Variants in CSDE1 observed in about 807,000 individuals in gnomAD.
The protein encoded by CSDE1 is cold shock domain-containing protein E1.
In CSDE1, 17 loss-of-function variants were observed where a neutral mutation model predicts 89.3. The observed-to-expected ratio is 0.19, with a 90% CI of 0.13 to 0.29. The LOEUF is 0.29. Ranked by LOEUF, CSDE1 falls within the 10% of genes least tolerant of loss-of-function variation. CSDE1 has a pLI of 1.00. For missense variants in CSDE1, 672 were observed against 984.2 expected, an observed-to-expected ratio of 0.68 and a Z score of 4.24; for synonymous variants, 322 against 332.8, an observed-to-expected ratio of 0.97 and a Z score of 0.35.
intron 2 of CSDE1, among the ~76,000 whole-genome samples, chr1:114,743,435 C>T (rs1038898960): frequency 3.9e-5 from 6 of 152,282 alleles, no homozygotes; most frequent in South Asian, 2.1e-4. Context: ...TCAAGTGATC[C>T]GGCCCCTGCA....
chr1:114,745,071 T>G (rs567057777), intron 2 of CSDE1, among the ~76,000 whole-genome samples: 2 of 151,970 alleles, frequency 1.3e-5, no homozygotes, highest in East Asian at 1.9e-4. Flanking sequence ...TATACCAAAC[T>G]AGCAAAGACG....
intron 16 of CSDE1, among the ~76,000 whole-genome samples, chr1:114,722,307 C>G (rs899674176): frequency 1.3e-5 from 2 of 152,304 alleles, no homozygotes; most frequent in Non-Finnish European, 2.9e-5. Context: ...CAATAATTAC[C>G]ATTTATGATG....
At chr1:114,745,878 T>C (rs1660984239) in intron 2 of CSDE1, among the ~76,000 whole-genome samples, 1 of 152,234 alleles carries the variant, frequency 6.6e-6, no homozygotes, top group Non-Finnish European at 1.5e-5. Flanking sequence ...CTTTCAGTCC[T>C]GACTCTCAAG....
At chr1:114,747,848 ACT>A (rs1243488967) in intron 2 of CSDE1, among the ~76,000 whole-genome samples, 1 of 151,356 alleles carries the variant, frequency 6.6e-6, no homozygotes, top group Admixed American at 6.6e-5. Context: ...ACAGAGCAAG[ACT>A]CTGTCTCAGA....
chr1:114,741,454 A>T, intron 2 of CSDE1: 1 of 1,348,198 alleles, frequency 7.4e-7, no homozygotes, highest in Non-Finnish European at 9.8e-7. Context: ...TTTCAACCAG[A>T]ATGAGTGGCA....
chr1:114,734,124 C>A lies in CSDE1; in HGVS notation c.583-7G>T. 1.9e-6 allele frequency: 3 copies of A among 1,600,034 alleles called. No individual in the cohort carries two copies. The highest frequency in any genetic ancestry group is 1.8e-5 in the Admixed American group (1 of 56,788). On this transcript the variant is annotated splice_polypyrimidine_tract_variant and splice_region_variant and intron_variant, in intron 7 of 19. Transcript: ENST00000358528. ...CAATAAAGCCAAATGCCTCCTGAAG[C>A]AAAATAAAAAACCAAGAACATTATT... is the stretch of plus-strand genomic sequence containing the variant.
At chr1:114,741,560 T>C in intron 2 of CSDE1, 4 of 1,551,400 alleles carry the variant, frequency 2.6e-6, no homozygotes, top group Non-Finnish European at 3.5e-6. Flanking sequence ...TCTTTTGTTT[T>C]TTAGTCCCAG....
chr1:114,737,677 T>C (rs1439686433), intron 4 of CSDE1, 114 bp from the exon 5 acceptor site: 3 of 796,074 alleles, frequency 3.8e-6, no homozygotes, highest in Non-Finnish European at 6.1e-6. Context: ...CATTTTAATA[T>C]GATCCACAAG....
chr1:114,719,800 G>A, intron 17 of CSDE1, 58 bp from the exon 18 acceptor site: 1 of 1,488,538 alleles, frequency 6.7e-7, no homozygotes, highest in Non-Finnish European at 9.2e-7. Flanking sequence ...TCTGAATGAA[G>A]CACAATGCCT....
chr1:114,717,640 G>T lies in CSDE1; in HGVS notation c.*529C>A, dbSNP rs1476919622. On this transcript the variant is annotated 3_prime_UTR_variant, in exon 20 of 20. Transcript: ENST00000358528. Reference sequence around the variant, plus strand: ...AATTTGGCCATCAACTTTAAGAAATGGTTTGCCTATACAAATTTTTGTAAT... The same window carrying T: ...AATTTGGCCATCAACTTTAAGAAATTGTTTGCCTATACAAATTTTTGTAAT... 6.6e-6 allele frequency: 1 copy of T among 152,610 alleles called. No individual in the cohort carries two copies. Among genetic ancestry groups the T allele is most frequent in the Non-Finnish European group, 1.5e-5 (1 of 68,084 alleles). 9.5% of individuals were successfully genotyped at this position (152,610 alleles called of 1,614,324 possible). A position where few individuals can be genotyped will look rare whatever the true frequency, so the allele number is the denominator to read the frequency against.
intron 17 of CSDE1, among the ~76,000 whole-genome samples, chr1:114,720,033 A>G (rs1177400152): frequency 1.3e-5 from 2 of 152,200 alleles, no homozygotes; most frequent in Non-Finnish European, 2.9e-5. Flanking sequence ...TTCAACATAT[A>G]TATTGTTTGG....
intron 1 of CSDE1, among the ~76,000 whole-genome samples, chr1:114,757,088 T>C (rs1661640011): frequency 6.6e-6 from 1 of 152,150 alleles, no homozygotes; most frequent in African/African-American, 2.4e-5. Context: ...ACTACTGAGC[T>C]TTCAGGGCGC....
intron 1 of CSDE1, among the ~76,000 whole-genome samples, chr1:114,751,284 G>A (rs139398723): frequency 2.1e-4 from 32 of 152,264 alleles, no homozygotes; most frequent in African/African-American, 7.7e-4. Flanking sequence ...ATTTTGCACT[G>A]ACTCCAAAGT....
chr1:114,732,888 C>G, intron 9 of CSDE1, 72 bp from the exon 10 acceptor site: 2 of 1,296,340 alleles, frequency 1.5e-6, no homozygotes, highest in Non-Finnish European at 2.2e-6. Flanking sequence ...ACAAGAAGAA[C>G]ACATAGTAAA....
At chr1:114,742,766 A>G (rs1480842302) in intron 2 of CSDE1, among the ~76,000 whole-genome samples, 1 of 152,258 alleles carries the variant, frequency 6.6e-6, no homozygotes, top group African/African-American at 2.4e-5. Context: ...CAAACAGTTA[A>G]GATCAAGACT....
At chr1:114,732,496 C>G in intron 10 of CSDE1, 108 bp downstream of exon 10, 1 of 929,682 alleles carries the variant, frequency 1.1e-6, no homozygotes, top group Non-Finnish European at 1.7e-6. Context: ...AGGTAAATGC[C>G]CATTAGGGTC....
intron 12 of CSDE1, among the ~76,000 whole-genome samples, chr1:114,729,576 G>A (rs958096755): frequency 2.0e-5 from 3 of 149,776 alleles, no homozygotes. Flanking sequence ...AAGAAACCCT[G>A]AATTTTTCTC....
At chr1:114,743,184 G>C (rs1314206913) in intron 2 of CSDE1, among the ~76,000 whole-genome samples, 1 of 151,890 alleles carries the variant, frequency 6.6e-6, no homozygotes, top group African/African-American at 2.4e-5. Context: ...GTCTTGCTCT[G>C]TCACCCAGGC....
intron 3 of CSDE1, among the ~76,000 whole-genome samples, chr1:114,739,378 A>C (rs1660596830): frequency 6.6e-6 from 1 of 152,218 alleles, no homozygotes; most frequent in African/African-American, 2.4e-5. Context: ...TACTACCCAA[A>C]ATAGTACCTG....
Sources: gnomAD v4.1 joint callset for allele counts (sites outside exome capture counted in the v4.1 genomes callset) on GRCh38, gnomAD v4.1.1 for gene constraint, MANE v1.5 for transcripts, NCBI Gene and HGNC (gene_info 2026-07-23, HGNC 2026-07-21) for gene names.